DLEC1: variants seen among roughly 807,000 people sequenced by gnomAD.
DLEC1 encodes the protein deleted in lung and esophageal cancer protein 1.
In DLEC1, 146 loss-of-function variants were observed where a neutral mutation model predicts 198.1. The observed-to-expected ratio is 0.74, with a 90% CI of 0.64 to 0.85. DLEC1 has a LOEUF of 0.85. DLEC1 is among the 40% of genes least tolerant of loss of function. The pLI is 0.00. For synonymous variants in DLEC1, 897 were observed against 866.8 expected (o/e 1.03, Z -0.61); for missense variants, 2,233 against 2,220.0 (o/e 1.01, Z -0.12).
intron 16 of DLEC1, 83 bp downstream of exon 16, chr3:38,097,358 A>G (rs1216834328): frequency 4.6e-6 from 7 of 1,538,230 alleles, no homozygotes; most frequent in African/African-American, 4.1e-5. Flanking sequence ...GGGCTTATGC[A>G]GGGCTCTTGG....
chr3:38,060,135 G>C (rs1696603415), intron 3 of DLEC1, among the ~76,000 whole-genome samples: 1 of 152,194 alleles, frequency 6.6e-6, no homozygotes, highest in Non-Finnish European at 1.5e-5. Context: ...TGGAGTTGCA[G>C]TTGAACCAAG....
chr3:38,086,946 TG>T (rs565845338), intron 9 of DLEC1, among the ~76,000 whole-genome samples: 202 of 152,016 alleles, frequency 1.3e-3, no homozygotes, highest in African/African-American at 4.4e-3. Context: ...TGGTGGCATG[TG>T]CCTGTAGTCC....
At position 38,112,258 on chromosome 3, in the gene DLEC1, C is replaced by T. The variant is rs1180196884; in HGVS notation, c.3563C>T (p.Pro1188Leu). Residue 1188 changes from proline (P) to leucine (L), a missense_variant, in exon 25 of 37, where the codon CCT becomes CTT. Pro to Leu is a moderately conservative substitution (Grantham distance 98). Coordinates refer to ENST00000308059, the MANE Select transcript of DLEC1 (RefSeq NM_007335.4). This position sits in a 1 kb window ranked among gnomAD's most constrained non-coding sequence, Gnocchi z 4.8. ...CACGGGAAAGGAGCTGCTTTCTTCC[C>T]TCACTTTTCCCAGGGCATGCTGGGG... ...LSHGKGAAFFPHFSQGMLGPY... is the reference protein window; with the variant it reads ...LSHGKGAAFFLHFSQGMLGPY... The T allele has an allele frequency of 6.2e-6, 10 of 1,614,192 alleles. No homozygotes were observed. The highest frequency in any genetic ancestry group is 8.5e-6 in the Non-Finnish European group (10 of 1,180,022).
At chr3:38,051,432 A>G (rs994287502) in intron 2 of DLEC1, among the ~76,000 whole-genome samples, 5 of 152,178 alleles carry the variant, frequency 3.3e-5, no homozygotes, top group African/African-American at 1.2e-4. Flanking sequence ...AATGAGTTCC[A>G]GTGGTGCTTC....
In DLEC1 at chr3:38,116,446, G is replaced by A. The variant is rs769562190; in HGVS notation, c.3857-7G>A. On this transcript the variant is annotated splice_region_variant and splice_polypyrimidine_tract_variant and intron_variant, in intron 27 of 36. Coordinates refer to ENST00000308059, the MANE Select transcript of DLEC1 (RefSeq NM_007335.4). ...ATTCCTCACCCTGCTCCACACATCT[G>A]CCCCAGACATCCGCCTGGATTGGGA... 1.2e-6 allele frequency: 2 copies of A among 1,614,014 alleles called. No individual in the cohort carries two copies. The highest frequency in any genetic ancestry group is 1.7e-6 in the Non-Finnish European group (2 of 1,179,948).
Position 38,122,540 on chromosome 3 carries a change from G to C in DLEC1, c.*128G>C. 1 of 1,610,732 alleles carries C rather than the reference G, an allele frequency of 6.2e-7. No individual in the cohort carries two copies. On this transcript the variant is annotated 3_prime_UTR_variant, in exon 37 of 37. Transcript: ENST00000308059. Reference sequence around the variant, plus strand: ...GGGACCTCTGGGCAGCTCCTGGAATGGAAGAACCCCCTTCCACAATGGTCT... The same window carrying C: ...GGGACCTCTGGGCAGCTCCTGGAATCGAAGAACCCCCTTCCACAATGGTCT...
chr3:38,050,975 C>T (rs56133568), intron 2 of DLEC1, among the ~76,000 whole-genome samples: 1 of 151,316 alleles, frequency 6.6e-6, no homozygotes. Context: ...TGGCCCCATA[C>T]TGGCTCACTG....
rs779665310 is a variant in DLEC1, at chr3:38,039,257, C to T, written c.32C>T (p.Ser11Phe). METRSSKTRRSLASRTNECQG... is the reference protein window; with the variant it reads METRSSKTRRFLASRTNECQG... ...ACCAGGAGCTCCAAAACGCGGAGGT[C>T]TTTAGCGTCCCGGACCAACGAGTGC... The change falls in exon 1 of 37, where the codon TCT (serine) becomes TTT (phenylalanine). Residue 11 changes from serine to phenylalanine, a missense_variant. Ser to Phe is a radical substitution (Grantham distance 155). Coordinates refer to ENST00000308059, the MANE Select transcript of DLEC1 (RefSeq NM_007335.4). 4 of 1,612,628 alleles carry T rather than the reference C, an allele frequency of 2.5e-6. No individual in the cohort carries two copies. The highest frequency in any genetic ancestry group is 3.4e-6 in the Non-Finnish European group (4 of 1,179,092).
At chr3:38,068,182 AG>A (rs1697131400) in intron 6 of DLEC1, among the ~76,000 whole-genome samples, 1 of 152,150 alleles carries the variant, frequency 6.6e-6, no homozygotes, top group Admixed American at 6.5e-5. Context: ...CAAGTCACTA[AG>A]GTTCATCCAG....
intron 2 of DLEC1, among the ~76,000 whole-genome samples, chr3:38,058,841 T>C (rs1444964974): frequency 3.9e-5 from 6 of 151,966 alleles, no homozygotes; most frequent in Non-Finnish European, 8.8e-5. Context: ...GGAATCTTTG[T>C]ACCTTCCTCT....
Position 38,109,562 on chromosome 3 carries a change from G to A in DLEC1, c.3260G>A (p.Ser1087Asn), listed in dbSNP as rs141902795. The A allele has an allele frequency of 2.8e-4, 445 of 1,614,166 alleles. 1 individual carries two copies. In the African/African-American group the frequency reaches 5.4e-3, roughly 20 times the overall value. The change falls in exon 22 of 37, where the codon AGC becomes AAC. Residue 1087 changes from serine (S) to asparagine (N), a missense_variant and splice_region_variant. By Grantham distance (46) the Ser-to-Asn change is conservative. Coordinates refer to ENST00000308059, the MANE Select transcript of DLEC1 (RefSeq NM_007335.4). ...ATCTCTAAGGAGAGCTCTGATTGCAGGTGAGCCCAGGGTTGGTGGTCTGGG... is the reference window on the plus strand; with the variant it reads ...ATCTCTAAGGAGAGCTCTGATTGCAAGTGAGCCCAGGGTTGGTGGTCTGGG... Reference protein sequence around the residue: ...ITISKESSDCSTEQWPGHPKE... With the variant: ...ITISKESSDCNTEQWPGHPKE...
Position 38,084,306 on chromosome 3 carries a change from G to A in DLEC1, c.1261+61G>A, listed in dbSNP as rs1264275463. The A allele has an allele frequency of 2.8e-6, 4 of 1,446,998 alleles. No individual in the cohort carries two copies. In the South Asian group the frequency reaches 4.6e-5, roughly 17 times the overall value. The allele number at this position is 1,446,998 out of a possible 1,614,324, so 89.6% of individuals were successfully genotyped here. ...GGTAATAGTAGTGGTGGTATTAGTA[G>A]TAATAGTAGTAGTGGTGGTAGTAAT... On this transcript the variant is annotated intron_variant, in intron 7 of 36. Transcript: ENST00000308059.
At chr3:38,071,537 G>A (rs941783797) in intron 6 of DLEC1, among the ~76,000 whole-genome samples, 1 of 152,220 alleles carries the variant, frequency 6.6e-6, no homozygotes, top group African/African-American at 2.4e-5. Flanking sequence ...GAGATTGATA[G>A]GTGGAAATTT....
chr3:38,101,207 C>T (rs1699288389), intron 19 of DLEC1, among the ~76,000 whole-genome samples: 1 of 152,154 alleles, frequency 6.6e-6, no homozygotes. Context: ...CCTGTAATCC[C>T]AGCACTTTGG....
chr3:38,117,426 G>A (rs766272942), intron 31 of DLEC1, 101 bp from the exon 32 acceptor site: 2 of 1,599,140 alleles, frequency 1.3e-6, no homozygotes, highest in African/African-American at 1.3e-5. Context: ...GTCAGCAGAG[G>A]AGCCCAGGGA....
At position 38,120,371 on chromosome 3, in the gene DLEC1, G is replaced by A. The variant is rs984295235; in HGVS notation, c.4705-77G>A. 30 of 1,548,862 alleles carry A rather than the reference G, an allele frequency of 1.9e-5. No individual in the cohort carries two copies. In the South Asian group the frequency reaches 2.8e-4, roughly 14 times the overall value. On this transcript the variant is annotated intron_variant, in intron 33 of 36. Transcript: ENST00000308059. Reference sequence around the variant, plus strand: ...GGCAAGGCTGGGCCTGGGAGGAAAGGAGGATGGAGCTCCAGGTGGGGAAGT... The same window carrying A: ...GGCAAGGCTGGGCCTGGGAGGAAAGAAGGATGGAGCTCCAGGTGGGGAAGT...
chr3:38,049,073 GTT>G (rs34325195), intron 2 of DLEC1, among the ~76,000 whole-genome samples: 1 of 148,186 alleles, frequency 6.7e-6, no homozygotes, highest in African/African-American at 2.5e-5. Context: ...AACTATTTGG[GTT>G]TTTTTTTTTA....
intron 6 of DLEC1, 134 bp from the exon 7 acceptor site, chr3:38,084,024 C>T (rs529588892): frequency 2.7e-6 from 2 of 742,956 alleles, no homozygotes; most frequent in East Asian, 6.1e-5. Context: ...CCAGCTTCGA[C>T]AGTTACCAAC....
intron 23 of DLEC1, 68 bp from the exon 24 acceptor site, chr3:38,111,609 G>A: frequency 6.5e-7 from 1 of 1,548,866 alleles, no homozygotes; most frequent in Non-Finnish European, 8.8e-7. Flanking sequence ...GGTTGCTCTA[G>A]AACCTGGCTC....
Sources: gnomAD v4.1 joint callset for allele counts (sites outside exome capture counted in the v4.1 genomes callset) on GRCh38, gnomAD v4.1.1 for gene constraint, Gnocchi (gnomAD v3.1) non-coding constraint, MANE v1.5 for transcripts, NCBI Gene and HGNC (gene_info 2026-07-23, HGNC 2026-07-21) for gene names.